The following KIF6 variants were observed in gnomAD, a reference collection of about 807,000 sequenced individuals.
KIF6 encodes the protein kinesin-like protein KIF6.
In KIF6, 106 loss-of-function variants were observed where a neutral mutation model predicts 112.7. The ratio of observed to expected loss-of-function variants is 0.94; its 90% CI spans 0.80 to 1.11. The LOEUF is 1.11. Ranked by LOEUF, KIF6 falls within the 50% of genes least tolerant of loss-of-function variation. The pLI, the probability that KIF6 is intolerant of heterozygous loss-of-function variation, is 0.00. For synonymous variants in KIF6, 339 were observed against 339.9 expected (o/e 1.00, Z 0.03); for missense variants, 929 against 964.0 (o/e 0.96, Z 0.48).
chr6:39,673,308 T>C (rs925735392), intron 3 of KIF6, among the ~76,000 whole-genome samples: 8 of 152,280 alleles, frequency 5.3e-5, no homozygotes, highest in Admixed American at 5.2e-4. Flanking sequence ...CTACCAAGTC[T>C]CATATAATAC....
intron 15 of KIF6, among the ~76,000 whole-genome samples, chr6:39,397,645 T>C (rs1245500279): frequency 2.0e-5 from 3 of 151,918 alleles, no homozygotes; most frequent in Non-Finnish European, 4.4e-5. Flanking sequence ...TAATGCATAA[T>C]AAGGAAATCT....
rs532732724 is a variant in KIF6 at position 39,449,870 on chromosome 6, T to A, written c.1646-18709A>T. Among the ~76,000 whole-genome samples, 18 of 152,354 alleles carry A rather than the reference T, an allele frequency of 1.2e-4. No individual in the cohort carries two copies. In the East Asian group the frequency reaches 3.1e-3, roughly 26 times the overall value. ...CTCTGCCCCCACAATCAGAATTTTT[T>A]AAATAACCTTTCTGTTCTGGGGGAC... is the stretch of plus-strand genomic sequence containing the variant. On this transcript the variant is annotated intron_variant, in intron 13 of 22. Transcript: ENST00000287152.
rs1766690971 is a variant in KIF6 at position 39,378,990 on chromosome 6, TG to T, written c.1861+6631del. On this transcript the variant is annotated intron_variant, in intron 16 of 22. Transcript: ENST00000287152. The surrounding 1 kb of genome is among the most constrained non-coding windows in gnomAD (Gnocchi z 5.0). Reference sequence around the variant, plus strand: ...ATAGAGGGTCGATACAAGAATCATCTGGTTGAATAACATTTCGGTATCTTTT... The same window carrying T: ...ATAGAGGGTCGATACAAGAATCATCTGTTGAATAACATTTCGGTATCTTTT... Among the ~76,000 whole-genome samples, 1 of 152,254 alleles carries T rather than the reference TG, an allele frequency of 6.6e-6. No homozygotes were observed. Among genetic ancestry groups the T allele is most frequent in the Non-Finnish European group, 1.5e-5 (1 of 68,040 alleles).
intron 6 of KIF6, among the ~76,000 whole-genome samples, chr6:39,612,968 A>C (rs1291190322): frequency 6.6e-6 from 1 of 152,206 alleles, no homozygotes; most frequent in East Asian, 1.9e-4. Flanking sequence ...CCAGGGGTCT[A>C]GATTTCTGTT....
chr6:39,677,792 T>C (rs1348428672), intron 3 of KIF6, among the ~76,000 whole-genome samples: 3 of 129,612 alleles, frequency 2.3e-5, no homozygotes, highest in African/African-American at 8.7e-5. Flanking sequence ...GTTTGGTTTT[T>C]TGTTCTTGCG....
chr6:39,347,379 G>A (rs987457025), intron 19 of KIF6, among the ~76,000 whole-genome samples: 2 of 152,206 alleles, frequency 1.3e-5, no homozygotes, highest in Admixed American at 1.3e-4. Flanking sequence ...ATTAGATGCA[G>A]CTGTGCCTGC....
chr6:39,585,541 A>G (rs1295021264), intron 8 of KIF6, among the ~76,000 whole-genome samples: 1 of 152,220 alleles, frequency 6.6e-6, no homozygotes, highest in Admixed American at 6.5e-5. Flanking sequence ...CCAATGACAA[A>G]AAGTGAGAGA....
chr6:39,622,265 A>G (rs1228317544), intron 5 of KIF6, among the ~76,000 whole-genome samples: 1 of 151,778 alleles, frequency 6.6e-6, no homozygotes, highest in Admixed American at 6.6e-5. Flanking sequence ...GGGTACTTAA[A>G]TGTATGAGCT....
At chr6:39,588,048 G>A (rs1013845056) in intron 7 of KIF6, among the ~76,000 whole-genome samples, 1 of 152,078 alleles carries the variant, frequency 6.6e-6, no homozygotes, top group Non-Finnish European at 1.5e-5. Context: ...CACTTTCCTG[G>A]TTTTCATCTT....
chr6:39,435,159 G>C (rs745391329), intron 13 of KIF6, among the ~76,000 whole-genome samples: 11 of 152,102 alleles, frequency 7.2e-5, no homozygotes, highest in Admixed American at 1.3e-4. Flanking sequence ...AGGGCAAGGT[G>C]GTGGGGCTCA....
At chr6:39,374,568 C>T (rs72860035) in intron 16 of KIF6, among the ~76,000 whole-genome samples, 3,733 of 152,168 alleles carry the variant, frequency 0.025, 73 homozygotes, top group Middle Eastern at 0.075. Context: ...GGGCAAAGGA[C>T]CTGAACGGAG....
At position 39,330,278 on chromosome 6, in the gene KIF6, G is replaced by C. The variant is rs1392239162; in HGVS notation, c.*6254C>G. On this transcript the variant is annotated 3_prime_UTR_variant, in exon 23 of 23. Transcript: ENST00000287152. ...GCATGCACTGGAGAACTTCCTGAAA[G>C]AAGAAAAGGGAACTGAGACCCACAT... The C allele has an allele frequency of 4.6e-5, 7 of 152,342 alleles. No individual in the cohort carries two copies. The highest frequency in any genetic ancestry group is 1.4e-4 in the African/African-American group (6 of 41,452). The allele number at this position is 152,342 out of a possible 1,614,324, so 9.4% of individuals were successfully genotyped here. A position where few individuals can be genotyped will look rare whatever the true frequency, so the allele number is the denominator to read the frequency against.
intron 10 of KIF6, among the ~76,000 whole-genome samples, chr6:39,549,483 A>G (rs1370562018): frequency 6.6e-6 from 1 of 152,228 alleles, no homozygotes; most frequent in African/African-American, 2.4e-5. Flanking sequence ...ATCTTGTCCA[A>G]GCTCACACAG....
chr6:39,547,542 C>A (rs1365135773), intron 10 of KIF6, among the ~76,000 whole-genome samples: 1 of 152,166 alleles, frequency 6.6e-6, no homozygotes, highest in South Asian at 2.1e-4. Context: ...TCCTCCCACT[C>A]CCCTGCCACC....
At position 39,634,893 on chromosome 6, in the gene KIF6, A is replaced by G; in HGVS notation, c.465T>C (p.Asp155=). Reference sequence around the variant, plus strand: ...AGGCTTCATGTCTTGGATCCAAAAGATCATAACCACATTCATTGTAGATTT... The same window carrying G: ...AGGCTTCATGTCTTGGATCCAAAAGGTCATAACCACATTCATTGTAGATTT... The part of the protein sequence containing the change: ...YLEIYNECGY[D]LLDPRHEASS... The change falls in exon 5 of 23, where the codon GAT becomes GAC. Residue 155 remains aspartate, a synonymous_variant. Transcript: ENST00000287152. The G allele has an allele frequency of 6.2e-7, 1 of 1,612,778 alleles. No individual in the cohort carries two copies. Among genetic ancestry groups the G allele is most frequent in the South Asian group, 1.1e-5 (1 of 91,040 alleles).
intron 6 of KIF6, among the ~76,000 whole-genome samples, chr6:39,607,097 A>G (rs1014546914): frequency 2.0e-5 from 3 of 152,166 alleles, no homozygotes; most frequent in African/African-American, 7.2e-5. Flanking sequence ...ATAATACTGA[A>G]TAGAGTAAAA....
intron 10 of KIF6, among the ~76,000 whole-genome samples, chr6:39,551,099 A>T (rs1779353829): frequency 6.6e-6 from 1 of 152,154 alleles, no homozygotes; most frequent in South Asian, 2.1e-4. Context: ...TTTCTTTTGG[A>T]TATATACCCA....
chr6:39,408,136 C>T (rs1392050465), intron 15 of KIF6, among the ~76,000 whole-genome samples: 1 of 152,130 alleles, frequency 6.6e-6, no homozygotes. Flanking sequence ...TCAATTTCAC[C>T]AGCTCTTAGG....
intron 6 of KIF6, among the ~76,000 whole-genome samples, chr6:39,609,590 G>C (rs1783095902): frequency 6.6e-6 from 1 of 152,102 alleles, no homozygotes; most frequent in Admixed American, 6.6e-5. Flanking sequence ...GAAACAAACA[G>C]AAGACATGAA....
Sources: allele counts gnomAD v4.1 joint callset (sites outside exome capture counted in the v4.1 genomes callset), GRCh38; gene constraint gnomAD v4.1.1; non-coding constraint Gnocchi (gnomAD v3.1); transcripts MANE v1.5; gene names NCBI Gene and HGNC (gene_info 2026-07-23, HGNC 2026-07-21).